ROBO1: variants seen among roughly 807,000 people sequenced by gnomAD.
ROBO1 encodes the protein roundabout homolog 1.
Under a neutral mutation model 195.9 loss-of-function variants are expected in ROBO1, and 149 were observed. The ratio of observed to expected loss-of-function variants is 0.76; its 90% CI spans 0.67 to 0.87. The LOEUF (loss-of-function observed/expected upper bound fraction) is 0.87. Among genes scored for constraint, ROBO1 ranks in the 40% least tolerant of loss-of-function variants. The probability of loss-of-function intolerance (pLI) is 0.00; values close to 1 mark genes in which losing one functional copy is unlikely to be tolerated. For missense variants in ROBO1, 1,933 were observed against 2,068.3 expected, an observed-to-expected ratio of 0.93 and a Z score of 1.27; for synonymous variants, 816 against 733.2, an observed-to-expected ratio of 1.11 and a Z score of -1.82.
intron 4 of ROBO1, among the ~76,000 whole-genome samples, chr3:78,935,507 A>T (rs969404071): frequency 2.0e-5 from 3 of 152,082 alleles, no homozygotes; most frequent in African/African-American, 7.2e-5. Flanking sequence ...AATTTGTGAC[A>T]GGCATAACAT....
chr3:79,394,582 T>C (rs570734619), intron 2 of ROBO1, among the ~76,000 whole-genome samples: 7 of 151,994 alleles, frequency 4.6e-5, no homozygotes, highest in Non-Finnish European at 7.4e-5. Context: ...TTTGAAAATA[T>C]GGAAGCGACT....
chr3:78,912,425 T>C (rs1286078979), intron 4 of ROBO1, among the ~76,000 whole-genome samples: 3 of 152,138 alleles, frequency 2.0e-5, no homozygotes, highest in Non-Finnish European at 4.4e-5. Flanking sequence ...TTATCTTCCA[T>C]ACACAATACA....
At chr3:79,190,174 A>G (rs1213561141) in intron 2 of ROBO1, among the ~76,000 whole-genome samples, 6 of 151,646 alleles carry the variant, frequency 4.0e-5, no homozygotes, top group Admixed American at 1.3e-4. Context: ...CCCTGCTTAT[A>G]TATTGTTCAG....
At chr3:79,417,053 G>A (rs1195745181) in intron 2 of ROBO1, among the ~76,000 whole-genome samples, 2 of 152,054 alleles carry the variant, frequency 1.3e-5, no homozygotes, top group Non-Finnish European at 2.9e-5. Flanking sequence ...AGCAGAACTC[G>A]CATGATGGTT....
intron 2 of ROBO1, among the ~76,000 whole-genome samples, chr3:79,370,502 C>T (rs2036152981): frequency 6.6e-6 from 1 of 151,940 alleles, no homozygotes; most frequent in African/African-American, 2.4e-5. Flanking sequence ...CAAATACAAA[C>T]TCAGTAGGCT....
intron 2 of ROBO1, among the ~76,000 whole-genome samples, chr3:79,218,535 T>C (rs1362637791): frequency 6.6e-6 from 1 of 151,998 alleles, no homozygotes; most frequent in Admixed American, 6.6e-5. Flanking sequence ...AGGGTTATAA[T>C]AAATTTATAG....
At chr3:78,862,215 C>G (rs1199376157) in intron 4 of ROBO1, among the ~76,000 whole-genome samples, 1 of 152,014 alleles carries the variant, frequency 6.6e-6, no homozygotes, top group South Asian at 2.1e-4. Context: ...CAGACTCAAC[C>G]ACCTTGGCTG....
Position 78,943,333 on chromosome 3 carries a change from T to C in ROBO1, c.173-4406A>G, listed in dbSNP as rs549626670. Among the ~76,000 whole-genome samples the C allele has an allele frequency of 2.1e-3, 318 of 152,222 alleles. 1 individual carries two copies. Among genetic ancestry groups the C allele is most frequent in the African/African-American group, 7.5e-3 (310 of 41,542 alleles). ...GGATGTCACCCAGGCGCCACTAAAGTGCAGTGTTGCTGAGAGTTCACTCTG... is the reference window on the plus strand; with the variant it reads ...GGATGTCACCCAGGCGCCACTAAAGCGCAGTGTTGCTGAGAGTTCACTCTG... On this transcript the variant is annotated intron_variant, in intron 3 of 30. Transcript: ENST00000464233.
rs530551802 is a variant in ROBO1, at chr3:78,753,732, T to C, written c.500-6832A>G. ...ACCTGATGTGTGTTGTTCCCCAACC[T>C]GTGTCCATGTGTTCTCATTAGAATC... On this transcript the variant is annotated intron_variant, in intron 4 of 30. Transcript: ENST00000464233. Among the ~76,000 whole-genome samples the C allele has an allele frequency of 9.7e-4, 148 of 152,294 alleles. 1 individual carries two copies. The highest frequency in any genetic ancestry group is 3.3e-3 in the African/African-American group (139 of 41,568).
intron 2 of ROBO1, among the ~76,000 whole-genome samples, chr3:79,267,686 A>G (rs1214248341): frequency 6.6e-6 from 1 of 151,454 alleles, no homozygotes; most frequent in African/African-American, 2.4e-5. Context: ...TCCTGATGCA[A>G]AACAACAGAC....
At chr3:79,394,589 G>A (rs914944265) in intron 2 of ROBO1, among the ~76,000 whole-genome samples, 2 of 151,844 alleles carry the variant, frequency 1.3e-5, no homozygotes, top group African/African-American at 4.8e-5. Context: ...ATATGGAAGC[G>A]ACTGTATAGG....
rs1216637180 is a variant in ROBO1 at position 78,670,280 on chromosome 3, G to C, written c.1364C>G (p.Pro455Arg). ...VTDVIADRPP[P>R]VIRQGPVNQT... is the part of the protein sequence containing the mutation. ...ATTCACAGGACCTTGTCGAATAACT[G>C]GGGGAGGCCGATCTGCAATCACTGC... The change falls in exon 11 of 31, where the codon CCA (proline) becomes CGA (arginine). Residue 455 changes from proline to arginine, a missense_variant. By Grantham distance (103) the Pro-to-Arg change is moderately radical. Around this residue, in one of 3 missense-constraint regions of ROBO1, gnomAD observed 1,737 missense variants for 1,882.5 expected, o/e 0.92. Coordinates refer to ENST00000464233, the MANE Select transcript of ROBO1 (RefSeq NM_002941.4). The C allele has an allele frequency of 1.3e-6, 2 of 1,567,282 alleles. No homozygotes were observed. Among genetic ancestry groups the C allele is most frequent in the Admixed American group, 1.9e-5 (1 of 52,730 alleles).
intron 1 of ROBO1, among the ~76,000 whole-genome samples, chr3:79,672,556 A>T (rs1026089873): frequency 5.3e-5 from 8 of 151,876 alleles, no homozygotes; most frequent in African/African-American, 1.9e-4. Context: ...TCAGACGTAA[A>T]CTCTTATTTT....
At chr3:79,445,535 T>G (rs901916470) in intron 2 of ROBO1, among the ~76,000 whole-genome samples, 1 of 149,280 alleles carries the variant, frequency 6.7e-6, no homozygotes, top group Non-Finnish European at 1.5e-5. Context: ...GGTCTTGCTC[T>G]GTCATCCAGG....
intron 4 of ROBO1, among the ~76,000 whole-genome samples, chr3:78,855,907 C>A (rs991354195): frequency 2.0e-5 from 3 of 151,688 alleles, no homozygotes; most frequent in Non-Finnish European, 4.4e-5. Context: ...TAAATACTAA[C>A]GGAAATGAAA....
At chr3:78,708,399 T>A (rs1235301440) in intron 8 of ROBO1, among the ~76,000 whole-genome samples, 1 of 152,148 alleles carries the variant, frequency 6.6e-6, no homozygotes, top group Non-Finnish European at 1.5e-5. Flanking sequence ...TTTTTTTTCA[T>A]TTTTAAGTAT....
intron 3 of ROBO1, among the ~76,000 whole-genome samples, chr3:79,090,018 C>A (rs2079447876): frequency 1.3e-5 from 2 of 151,696 alleles, no homozygotes. Flanking sequence ...TGGCTCACTG[C>A]AACCTCCATC....
intron 1 of ROBO1, among the ~76,000 whole-genome samples, chr3:79,597,586 T>C (rs1245992347): frequency 6.6e-6 from 1 of 152,058 alleles, no homozygotes; most frequent in East Asian, 1.9e-4. Flanking sequence ...TCTTTCCTCA[T>C]AGAAACAGGC....
intron 1 of ROBO1, among the ~76,000 whole-genome samples, chr3:79,690,136 G>A (rs11714102): frequency 3.3e-5 from 5 of 151,680 alleles, no homozygotes; most frequent in African/African-American, 1.2e-4. Flanking sequence ...GTAATGCACC[G>A]CTCCCCCCAC....
Sources: gnomAD v4.1 joint callset for allele counts (sites outside exome capture counted in the v4.1 genomes callset) on GRCh38, gnomAD v4.1.1 for gene constraint, gnomAD v4.1.1 regional missense constraint, MANE v1.5 for transcripts, NCBI Gene and HGNC (gene_info 2026-07-23, HGNC 2026-07-21) for gene names.